Variants in SOD2 observed in about 807,000 individuals in gnomAD.
SOD2 encodes superoxide dismutase [Mn], mitochondrial.
In SOD2, 11 loss-of-function variants were observed where a neutral mutation model predicts 27.0. The observed-to-expected ratio is 0.41, with a 90% CI of 0.26 to 0.67. SOD2 has a LOEUF of 0.67. Ranked by LOEUF, SOD2 falls within the 30% of genes least tolerant of loss-of-function variation. The pLI is 0.34. For missense variants in SOD2, 250 were observed against 274.5 expected, an observed-to-expected ratio of 0.91 and a Z score of 0.63; for synonymous variants, 105 against 103.0, an observed-to-expected ratio of 1.02 and a Z score of -0.12.
At chr6:159,755,942 CTG>C (rs1179744481) in intron 1 of SOD2, 1 of 227,042 alleles carries the variant, frequency 4.4e-6, no homozygotes, top group African/African-American at 2.3e-5. Context: ...ACAATGATGT[CTG>C]TATAAATCTG....
chr6:159,755,745 CTTTGTTTTTTT>C, intron 1 of SOD2: 1 of 287,162 alleles, frequency 3.5e-6, no homozygotes, highest in Non-Finnish European at 4.5e-6. Context: ...TGTTTTTTTT[CTTTGTTTTTTT>C]TTTCTTTTCT....
upstream of SOD2, chr6:159,748,077 G>C: frequency 7.8e-7 from 1 of 1,288,938 alleles, no homozygotes; most frequent in Non-Finnish European, 1.1e-6. This position sits in a 1 kb window ranked among gnomAD's most constrained non-coding sequence, Gnocchi z 5.6. Context: ...GGATCAAAGA[G>C]GGGAGGAGCT....
upstream of SOD2, chr6:159,730,809 CTTACA>C (rs1778520045): frequency 6.6e-6 from 1 of 152,116 alleles, no homozygotes; most frequent in South Asian, 2.1e-4. Flanking sequence ...TTACTCCTGA[CTTACA>C]TTACAAATAC....
chr6:159,705,291 GAGA>G (rs1386139176), intron 1 of SOD2, among the ~76,000 whole-genome samples: 3 of 152,240 alleles, frequency 2.0e-5, no homozygotes, highest in Admixed American at 2.0e-4. Context: ...GACGAGTTGA[GAGA>G]AGAAGGCTTC....
intron 1 of SOD2, among the ~76,000 whole-genome samples, chr6:159,716,654 C>CG (rs1159309091): frequency 3.3e-5 from 5 of 152,122 alleles, no homozygotes; most frequent in Middle Eastern, 3.4e-3. Flanking sequence ...AAGGGCATGA[C>CG]GGGAGGGGGC....
At chr6:159,685,168 G>A (rs1431471093) in intron 3 of SOD2, 135 bp from the exon 4 acceptor site, 1 of 390,984 alleles carries the variant, frequency 2.6e-6, no homozygotes, top group Admixed American at 4.8e-5. Context: ...TGCGACACCT[G>A]GATCTAAGTT....
At chr6:159,712,936 C>A in intron 1 of SOD2, 1 of 636,538 alleles carries the variant, frequency 1.6e-6, no homozygotes, top group Non-Finnish European at 2.9e-6. Flanking sequence ...TCTCCCTGTA[C>A]CTGTGCTGCA....
In SOD2 at chr6:159,671,712, C is replaced by G. The variant is rs1472407784; in HGVS notation, c.*10781G>C. 6.6e-6 allele frequency: 1 copy of G among 152,222 alleles called. No homozygotes were observed. The highest frequency in any genetic ancestry group is 6.5e-5 in the Admixed American group (1 of 15,284). 9.4% of individuals were successfully genotyped at this position (152,222 alleles called of 1,614,324 possible). A position where few individuals can be genotyped will look rare whatever the true frequency, so the allele number is the denominator to read the frequency against. On this transcript the variant is annotated 3_prime_UTR_variant, in exon 5 of 5. Coordinates refer to ENST00000538183, the MANE Select transcript of SOD2 (RefSeq NM_000636.4). ...CTCCCCCTCCAAAGGAACATAGCTC[C>G]TTGCCAGCAACAGAACAAAGCTGGA...
upstream of SOD2, chr6:159,748,848 G>A: frequency 8.2e-7 from 1 of 1,217,560 alleles, no homozygotes; most frequent in Non-Finnish European, 1.0e-6. This position sits in a 1 kb window ranked among gnomAD's most constrained non-coding sequence, Gnocchi z 5.6. Flanking sequence ...TGAGCATAGT[G>A]ACTTAGAGAC....
chr6:159,727,940 T>C (rs917119006), upstream of SOD2, among the ~76,000 whole-genome samples: 1 of 152,218 alleles, frequency 6.6e-6, no homozygotes, highest in Non-Finnish European at 1.5e-5. Flanking sequence ...AGAGGGGTGC[T>C]CTGGCGGCCG....
chr6:159,728,984 T>C (rs1161534602), upstream of SOD2, among the ~76,000 whole-genome samples: 3 of 152,228 alleles, frequency 2.0e-5, no homozygotes, highest in African/African-American at 4.8e-5. Flanking sequence ...CATGGCTCTT[T>C]TATGTCTAGC....
At chr6:159,686,554 A>T (rs1442150276) in intron 3 of SOD2, among the ~76,000 whole-genome samples, 1 of 152,124 alleles carries the variant, frequency 6.6e-6, no homozygotes. Context: ...AGGCTGAGGC[A>T]GAGAATCACT....
intron 1 of SOD2, chr6:159,743,676 A>T (rs1378587510): frequency 6.3e-7 from 1 of 1,598,138 alleles, no homozygotes; most frequent in Non-Finnish European, 8.5e-7. Context: ...TAATGATGTA[A>T]CTGGCCTAAG....
At chr6:159,742,700 G>T (rs759237944) in intron 1 of SOD2, among the ~76,000 whole-genome samples, 2 of 152,066 alleles carry the variant, frequency 1.3e-5, no homozygotes, top group Non-Finnish European at 2.9e-5. Flanking sequence ...AACTTCAGAA[G>T]GGTTAATACC....
intron 1 of SOD2, among the ~76,000 whole-genome samples, chr6:159,698,938 TG>T (rs543092346): frequency 2.4e-5 from 2 of 84,918 alleles, no homozygotes; most frequent in East Asian, 8.7e-4. Flanking sequence ...GTCTGGGGGG[TG>T]GGGGGCGGGG....
chr6:159,743,822 T>C (rs754361463), intron 1 of SOD2: 1 of 1,561,968 alleles, frequency 6.4e-7, no homozygotes, highest in Admixed American at 2.0e-5. Flanking sequence ...TAAATGTCTT[T>C]AGTTGAGGAA....
At chr6:159,739,703 A>G (rs1461183517) in intron 1 of SOD2, among the ~76,000 whole-genome samples, 1 of 152,152 alleles carries the variant, frequency 6.6e-6, no homozygotes, top group East Asian at 1.9e-4. Flanking sequence ...ACAGGCTGAA[A>G]GCGGAGGAGA....
intron 1 of SOD2, among the ~76,000 whole-genome samples, chr6:159,740,552 G>T (rs1248333316): frequency 6.6e-6 from 1 of 152,092 alleles, no homozygotes; most frequent in Non-Finnish European, 1.5e-5. Flanking sequence ...CTCCACTGAA[G>T]ATCTTTCTCT....
chr6:159,723,258 T>G (rs1179272051), intron 1 of SOD2, among the ~76,000 whole-genome samples: 3 of 152,200 alleles, frequency 2.0e-5, no homozygotes, highest in Non-Finnish European at 4.4e-5. Flanking sequence ...AACGTATACA[T>G]TCCCACTAAC....
Sources: gnomAD v4.1 joint callset for allele counts (sites outside exome capture counted in the v4.1 genomes callset) on GRCh38, gnomAD v4.1.1 for gene constraint, Gnocchi (gnomAD v3.1) non-coding constraint, MANE v1.5 for transcripts, NCBI Gene and HGNC (gene_info 2026-07-23, HGNC 2026-07-21) for gene names.